ITGB1: variants seen among roughly 807,000 people sequenced by gnomAD.
ITGB1 encodes integrin beta-1.
A neutral mutation model predicts 86.5 loss-of-function variants in ITGB1; 24 were observed. That is an observed-to-expected ratio of 0.28 (90% CI 0.20 to 0.39). The LOEUF (loss-of-function observed/expected upper bound fraction) is 0.39, where lower values mean the gene tolerates loss of function less well. Among genes scored for constraint, ITGB1 ranks in the 10% least tolerant of loss-of-function variants. The pLI, the probability that ITGB1 is intolerant of heterozygous loss-of-function variation, is 1.00. For synonymous variants in ITGB1, 323 were observed against 316.8 expected (o/e 1.02, Z -0.21); for missense variants, 556 against 946.9 (o/e 0.59, Z 5.42).
At chr10:32,944,150 C>T (rs2095025642) in intron 1 of ITGB1, among the ~76,000 whole-genome samples, 1 of 152,224 alleles carries the variant, frequency 6.6e-6, no homozygotes, top group South Asian at 2.1e-4. Context: ...TTCCCAGCAG[C>T]ACCAGCTGGA....
At chr10:32,938,227 T>G (rs745795954) in intron 1 of ITGB1, among the ~76,000 whole-genome samples, 15 of 152,208 alleles carry the variant, frequency 9.9e-5, no homozygotes, top group Non-Finnish European at 2.2e-4. Flanking sequence ...CAAATAATGT[T>G]ATCACGATTC....
chr10:32,909,649 T>C (rs539363707), intron 14 of ITGB1, among the ~76,000 whole-genome samples: 1 of 152,110 alleles, frequency 6.6e-6, no homozygotes, highest in Non-Finnish European at 1.5e-5. Flanking sequence ...GTTAAACATA[T>C]GCTTACCATA....
At chr10:32,929,730 G>T (rs1437855688) in intron 4 of ITGB1, 92 bp downstream of exon 4, 1 of 763,652 alleles carries the variant, frequency 1.3e-6, no homozygotes, top group Non-Finnish European at 2.3e-6. Context: ...GTAAAAACGA[G>T]CCTTCAACAG....
At position 32,929,906 on chromosome 10, in the gene ITGB1, G is replaced by A; in HGVS notation, c.292C>T (p.Arg98Cys). 3.7e-6 allele frequency: 6 copies of A among 1,611,038 alleles called. No individual in the cohort carries two copies. Among genetic ancestry groups the A allele is most frequent in the Non-Finnish European group, 3.4e-6 (4 of 1,177,284 alleles). ...AGCTTCTCTGCTGTTCCTTTGCTAC[G>A]GTTGGTTACATTTTTATTTTTCTTT... ...DIKKNKNVTNRSKGTAEKLKP... is the reference protein window; with the variant it reads ...DIKKNKNVTNCSKGTAEKLKP... Residue 98 changes from arginine to cysteine, a missense_variant, in exon 4 of 16, where the codon CGT becomes TGT. Arg to Cys is a radical substitution (Grantham distance 180). Coordinates refer to ENST00000302278, the MANE Select transcript of ITGB1 (RefSeq NM_002211.4).
intron 1 of ITGB1, among the ~76,000 whole-genome samples, chr10:32,942,447 C>T (rs2095020661): frequency 6.6e-6 from 1 of 152,204 alleles, no homozygotes; most frequent in African/African-American, 2.4e-5. Flanking sequence ...ACTCATTTCA[C>T]TTCTAACTAT....
intron 7 of ITGB1, among the ~76,000 whole-genome samples, chr10:32,923,228 TA>T (rs766294384): frequency 5.9e-5 from 9 of 152,344 alleles, no homozygotes; most frequent in Non-Finnish European, 1.3e-4. Context: ...TGACTGCTTT[TA>T]AAAATCGTAT....
rs1171387019 is a variant in ITGB1 at position 32,920,235 on chromosome 10, T to C, written c.1269+10A>G. The stretch of plus-strand genomic sequence containing the variant: ...AATGTTTTCTACAGAAAATGCTTTA[T>C]ACAACATACCTCATCTCCAATGGAA... On this transcript the variant is annotated intron_variant, in intron 10 of 15. Coordinates refer to ENST00000302278, the MANE Select transcript of ITGB1 (RefSeq NM_002211.4). The C allele has an allele frequency of 1.9e-6, 3 of 1,611,980 alleles. No individual in the cohort carries two copies. The highest frequency in any genetic ancestry group is 2.2e-5 in the East Asian group (1 of 44,808).
intron 11 of ITGB1, among the ~76,000 whole-genome samples, chr10:32,916,762 C>A (rs1785807110): frequency 6.6e-6 from 1 of 152,176 alleles, no homozygotes; most frequent in Admixed American, 6.5e-5. Context: ...AATGGCCATA[C>A]TGCCCAAGGT....
At chr10:32,924,788 ACT>A (rs1441603732) in intron 6 of ITGB1, among the ~76,000 whole-genome samples, 4 of 152,136 alleles carry the variant, frequency 2.6e-5, no homozygotes, top group Non-Finnish European at 4.4e-5. Flanking sequence ...AATTGCAAAC[ACT>A]CTAGTGAAAA....
At chr10:32,930,113 C>G (rs2094978600) in intron 3 of ITGB1, 69 bp from the exon 4 acceptor site, 15 of 748,562 alleles carry the variant, frequency 2.0e-5, no homozygotes. Flanking sequence ...ATAATAATTG[C>G]AAATAAGCAA....
Position 32,912,000 on chromosome 10 carries a change from C to T in ITGB1, c.1594G>A (p.Val532Ile), listed in dbSNP as rs202115007. The change falls in exon 12 of 16, where the codon GTC becomes ATC. Residue 532 changes from valine to isoleucine, a missense_variant. By Grantham distance (29) the Val-to-Ile change is conservative (BLOSUM62 3). This residue lies in a region of ITGB1 where 330 missense variants were observed against 531.5 expected (regional missense o/e 0.62). Coordinates refer to ENST00000302278, the MANE Select transcript of ITGB1 (RefSeq NM_002211.4). ...TTCCTACAAACACACTGTCCGCAGA[C>T]GCACTCTCCATTGTTACTGCAGATT... is the stretch of plus-strand genomic sequence containing the variant. ...SEICSNNGEC[V>I]CGQCVCRKRD... 1.5e-5 allele frequency: 24 copies of T among 1,614,008 alleles called. No homozygotes were observed. Among genetic ancestry groups the T allele is most frequent in the East Asian group, 1.1e-4 (5 of 44,896 alleles).
intron 1 of ITGB1, among the ~76,000 whole-genome samples, chr10:32,938,049 T>C (rs2095008434): frequency 6.6e-6 from 1 of 152,222 alleles, no homozygotes; most frequent in South Asian, 2.1e-4. Flanking sequence ...AGCAGGCTGT[T>C]ATGCCTGAGC....
At chr10:32,915,645 C>T (rs1015927150) in intron 11 of ITGB1, among the ~76,000 whole-genome samples, 2 of 152,178 alleles carry the variant, frequency 1.3e-5, no homozygotes, top group African/African-American at 4.8e-5. Context: ...AGACCAATAA[C>T]AGGCTCTCAA....
At position 32,911,966 on chromosome 10, in the gene ITGB1, T is replaced by G. The variant is rs768724747; in HGVS notation, c.1628A>C (p.Asn543Thr). ...TTTGCCAGAATAAATTTCATTTGTA[T>G]TATCCCTCTTCCTACAAACACACTG... ...CGQCVCRKRD[N>T]TNEIYSGKFC... Residue 543 changes from asparagine (N) to threonine (T), a missense_variant, in exon 12 of 16, where the codon AAT becomes ACT. Physicochemically the swap from Asn to Thr is moderately conservative, Grantham distance 65. This residue lies in a region of ITGB1 where 330 missense variants were observed against 531.5 expected (regional missense o/e 0.62). Coordinates refer to ENST00000302278, the MANE Select transcript of ITGB1 (RefSeq NM_002211.4). 1 of 1,614,146 alleles carries G rather than the reference T, an allele frequency of 6.2e-7. No individual in the cohort carries two copies. The highest frequency in any genetic ancestry group is 8.5e-7 in the Non-Finnish European group (1 of 1,179,992).
intron 1 of ITGB1, among the ~76,000 whole-genome samples, chr10:32,941,708 G>A (rs958826633): frequency 5.3e-5 from 8 of 152,206 alleles, no homozygotes; most frequent in African/African-American, 1.9e-4. Flanking sequence ...AAAGGTTCAA[G>A]TGAGAGGTGA....
At chr10:32,922,205 G>T in intron 9 of ITGB1, 52 bp downstream of exon 9, 2 of 1,111,328 alleles carry the variant, frequency 1.8e-6, no homozygotes, top group Non-Finnish European at 2.6e-6. Flanking sequence ...TTTGTACAAA[G>T]TATTCTCAAC....
intron 1 of ITGB1, 110 bp from the exon 2 acceptor site, chr10:32,935,668 G>A: frequency 3.9e-6 from 3 of 764,348 alleles, no homozygotes; most frequent in African/African-American, 1.7e-5. Flanking sequence ...AAACATGATG[G>A]CTCTCAAACC....
At chr10:32,943,620 C>T (rs915348764) in intron 1 of ITGB1, among the ~76,000 whole-genome samples, 1 of 151,966 alleles carries the variant, frequency 6.6e-6, no homozygotes, top group African/African-American at 2.4e-5. Context: ...CTGGAACCTA[C>T]GACAGTTAAG....
intron 1 of ITGB1, among the ~76,000 whole-genome samples, chr10:32,943,875 T>G (rs1311561873): frequency 1.3e-5 from 2 of 152,214 alleles, no homozygotes; most frequent in Non-Finnish European, 1.5e-5. Flanking sequence ...CCTGGGGGCT[T>G]GATCTTGTGG....
Sources: allele counts gnomAD v4.1 joint callset (sites outside exome capture counted in the v4.1 genomes callset), GRCh38; gene constraint gnomAD v4.1.1; regional missense constraint gnomAD v4.1.1; transcripts MANE v1.5; gene names NCBI Gene and HGNC (gene_info 2026-07-23, HGNC 2026-07-21).